Variants in MLH3 observed in about 807,000 individuals in gnomAD.
The protein encoded by MLH3 is mutL homolog 3.
MLH3 carries 82 observed loss-of-function variants against 122.2 expected under a neutral mutation model. The ratio of observed to expected loss-of-function variants is 0.67; its 90% confidence interval spans 0.56 to 0.81. The LOEUF is 0.81. MLH3 is among the 30% of genes least tolerant of loss of function. The probability of loss-of-function intolerance (pLI) is 0.00; values close to 1 mark genes in which losing one functional copy is unlikely to be tolerated. For missense variants in MLH3, 1,539 were observed against 1,714.5 expected, an observed-to-expected ratio of 0.90 and a Z score of 1.81; for synonymous variants, 524 against 599.5, an observed-to-expected ratio of 0.87 and a Z score of 1.84.
intron 9 of MLH3, among the ~76,000 whole-genome samples, chr14:75,027,206 T>C (rs547242029): frequency 6.6e-6 from 1 of 152,108 alleles, no homozygotes; most frequent in East Asian, 1.9e-4. Flanking sequence ...AGCTAGATAA[T>C]CATGCAAGTA....
Position 75,016,489 on chromosome 14 carries a change from T to C in MLH3, c.*593A>G, listed in dbSNP as rs879291091. The C allele has an allele frequency of 2.6e-5, 5 of 189,162 alleles. No individual in the cohort carries two copies. Among genetic ancestry groups the C allele is most frequent in the Admixed American group, 1.2e-4 (2 of 17,018 alleles). 11.7% of individuals were successfully genotyped at this position (189,162 alleles called of 1,614,324 possible). A position where few individuals can be genotyped will look rare whatever the true frequency, so the allele number is the denominator to read the frequency against. On this transcript the variant is annotated 3_prime_UTR_variant, in exon 13 of 13. Transcript: ENST00000355774. ...CTATCCTTGTCCTTTTTATCAATAG[T>C]TTTTATCCCTAAAATAACTAAAGGC...
chr14:75,040,964 A>C (rs1595072301), intron 4 of MLH3, among the ~76,000 whole-genome samples: 1 of 152,194 alleles, frequency 6.6e-6, no homozygotes, highest in African/African-American at 2.4e-5. Context: ...CATAATTTGG[A>C]AATATGCCCA....
intron 9 of MLH3, among the ~76,000 whole-genome samples, chr14:75,029,193 C>T (rs1273457167): frequency 6.8e-6 from 1 of 147,602 alleles, no homozygotes; most frequent in African/African-American, 2.5e-5. Context: ...TTAAGAAAAT[C>T]ATAAGAAACA....
intron 5 of MLH3, 28 bp downstream of exon 5, chr14:75,039,857 ATATATATATATATATATATATATATT>A (rs1566594440): frequency 1.6e-5 from 1 of 60,778 alleles, no homozygotes; most frequent in Non-Finnish European, 3.8e-5. Context: ...ATATATATAT[ATATATATATATATATATATATATATT>A]TATGAGATTT....
chr14:75,049,816 T>C (rs1411896643), intron 1 of MLH3, 98 bp from the exon 2 acceptor site: 6 of 768,342 alleles, frequency 7.8e-6, no homozygotes, highest in African/African-American at 7.0e-5. Context: ...ATCACTCTTA[T>C]TAAACCAAAT....
intron 6 of MLH3, among the ~76,000 whole-genome samples, chr14:75,034,497 G>A (rs1310286283): frequency 6.6e-6 from 1 of 152,106 alleles, no homozygotes; most frequent in Admixed American, 6.6e-5. Flanking sequence ...TTCTTTTTGA[G>A]CCAAAGCAGC....
At position 75,047,876 on chromosome 14, in the gene MLH3, T is replaced by C. The variant is rs1363963772; in HGVS notation, c.1780A>G (p.Asn594Asp). Residue 594 changes from asparagine to aspartate, a missense_variant, in exon 2 of 13, where the codon AAT (asparagine) becomes GAT (aspartate). Physicochemically the swap from Asn to Asp is conservative, Grantham distance 23. Coordinates refer to ENST00000355774, the MANE Select transcript of MLH3 (RefSeq NM_001040108.2). ...KKESSNCGRR[N>D]VFSYGRVKLC... ...TTAACTCGCCCATAACTAAAAACAT[T>C]TCTTCTTCCACAATTGCTAGATTCT... The C allele has an allele frequency of 6.2e-7, 1 of 1,613,468 alleles. No homozygotes were observed. The highest frequency in any genetic ancestry group is 1.7e-4 in the Middle Eastern group (1 of 6,060).
chr14:75,048,396 TA>T lies in MLH3; in HGVS notation c.1259del (p.Val420GlufsTer34), dbSNP rs1892418135. ...CTGAATCCCTAGAACTCTGTGTGTT[TA>T]CGTTTTCTGCAGTAGTTTTTCTTTT... ...AVKRKTTAEN[V>X]NTQSSRDSEA... On this transcript the variant is annotated frameshift_variant, in exon 2 of 13. Transcript: ENST00000355774. LOFTEE classifies it high-confidence loss of function. 1 of 1,609,572 alleles carries T rather than the reference TA, an allele frequency of 6.2e-7. No homozygotes were observed. The highest frequency in any genetic ancestry group is 2.2e-5 in the East Asian group (1 of 44,854).
intron 2 of MLH3, among the ~76,000 whole-genome samples, chr14:75,043,387 CAA>C (rs1245716087): frequency 2.6e-5 from 4 of 152,214 alleles, no homozygotes; most frequent in Admixed American, 2.6e-4. Context: ...CTCCTAAAAG[CAA>C]AGTCAGTTAA....
In MLH3 at chr14:75,046,323, C is replaced by G. The variant is rs1892215596; in HGVS notation, c.3280+53G>C. On this transcript the variant is annotated intron_variant, in intron 2 of 12. Coordinates refer to ENST00000355774, the MANE Select transcript of MLH3 (RefSeq NM_001040108.2). Reference sequence around the variant, plus strand: ...GGATAATGAGGATCTTACTCCTTGTCCAGCATTCCCATCTTCAAAAGCATC... The same window carrying G: ...GGATAATGAGGATCTTACTCCTTGTGCAGCATTCCCATCTTCAAAAGCATC... 6 of 1,578,400 alleles carry G rather than the reference C, an allele frequency of 3.8e-6. 1 individual carries two copies. In the South Asian group the frequency reaches 6.6e-5, roughly 17 times the overall value.
Position 75,048,712 on chromosome 14 carries a change from C to T in MLH3, c.944G>A (p.Cys315Tyr), listed in dbSNP as rs370500314. Residue 315 changes from cysteine to tyrosine, a missense_variant, in exon 2 of 13, where the codon TGT becomes TAT. Physicochemically the swap from Cys to Tyr is radical, Grantham distance 194. Coordinates refer to ENST00000355774, the MANE Select transcript of MLH3 (RefSeq NM_001040108.2). ...IYVINVQCQFCEYDVCMEPAK... is the reference protein window; with the variant it reads ...IYVINVQCQFYEYDVCMEPAK... ...TGGCTCCATGCACACATCATACTCA[C>T]AGAATTGGCACTGCACATTAATTAC... 2.5e-6 allele frequency: 4 copies of T among 1,614,052 alleles called. No homozygotes were observed. The highest frequency in any genetic ancestry group is 2.2e-5 in the East Asian group (1 of 44,894).
chr14:75,044,577 C>A (rs192334613), intron 2 of MLH3, among the ~76,000 whole-genome samples: 1 of 152,224 alleles, frequency 6.6e-6, no homozygotes, highest in Admixed American at 6.5e-5. Context: ...CATAAAGTGG[C>A]TTTAAGAGCA....
chr14:75,027,138 G>A (rs1169490909), intron 9 of MLH3, among the ~76,000 whole-genome samples: 1 of 151,842 alleles, frequency 6.6e-6, no homozygotes, highest in Non-Finnish European at 1.5e-5. Context: ...AAAGTCAAAA[G>A]TAGTGAAATA....
rs2139283278 is a variant in MLH3, at chr14:75,017,136, C to T, written c.4308G>A (p.Glu1436=). The T allele has an allele frequency of 1.2e-6, 2 of 1,613,722 alleles. No homozygotes were observed. The highest frequency in any genetic ancestry group is 2.2e-5 in the East Asian group (1 of 44,876). The change falls in exon 13 of 13, where the codon GAG becomes GAA. Residue 1436 remains glutamate (E), a synonymous_variant. Transcript: ENST00000355774. ...GCTGCAGGCTCTGCCTTGTATCACA[C>T]TCTGCTTTTCCAAAGAGACGCCAGG... ...AQAWRLFGKA[E]CDTRQSLQQS...
Position 75,018,854 on chromosome 14 carries a change from A to C in MLH3, c.4217T>G (p.Ile1406Arg). Residue 1406 changes from isoleucine (I) to arginine (R), a missense_variant, in exon 12 of 13, where the codon ATA becomes AGA. Coordinates refer to ENST00000355774, the MANE Select transcript of MLH3 (RefSeq NM_001040108.2). ...CTGTTTTTCCTGTTCCAAGTGGTCT[A>C]TGTCAGCTAACGGCAGCATAGAAGG... is the stretch of plus-strand genomic sequence containing the variant. ...GRPSMLPLAD[I>R]DHLEQEKQIK... The C allele has an allele frequency of 6.2e-7, 1 of 1,614,198 alleles. No homozygotes were observed. Among genetic ancestry groups the C allele is most frequent in the Non-Finnish European group, 8.5e-7 (1 of 1,180,044 alleles).
At chr14:75,027,030 C>T (rs1248003076) in intron 9 of MLH3, among the ~76,000 whole-genome samples, 1 of 151,650 alleles carries the variant, frequency 6.6e-6, no homozygotes, top group Non-Finnish European at 1.5e-5. Context: ...ACCTGGGAGG[C>T]GGAGGTTGCA....
rs61755654 is a variant in MLH3, at chr14:75,047,831, T to G, written c.1825A>C (p.Ile609Leu). ...TTTTCATTTTGTACTACATGAGTTATAAAGCCAGTGGAACATAATTTAACT... is the reference window on the plus strand; with the variant it reads ...TTTTCATTTTGTACTACATGAGTTAGAAAGCCAGTGGAACATAATTTAACT... ...GRVKLCSTGFITHVVQNEKTK... is the reference protein window; with the variant it reads ...GRVKLCSTGFLTHVVQNEKTK... Residue 609 changes from isoleucine (I) to leucine (L), a missense_variant, in exon 2 of 13, where the codon ATA becomes CTA. Transcript: ENST00000355774. 4.0e-5 allele frequency: 64 copies of G among 1,613,534 alleles called. No individual in the cohort carries two copies. Among genetic ancestry groups the G allele is most frequent in the Non-Finnish European group, 5.0e-5 (59 of 1,179,902 alleles).
chr14:75,048,930 T>G lies in MLH3; in HGVS notation c.726A>C (p.Glu242Asp). 6.2e-7 allele frequency: 1 copy of G among 1,613,346 alleles called. No individual in the cohort carries two copies. The highest frequency in any genetic ancestry group is 8.5e-7 in the Non-Finnish European group (1 of 1,179,624). ...ACTGCATATTCTTGTTGTAATGTGC[T>G]TCAGAGCTGATATAGCCACTAAGCT... ...EFELSGYISS[E>D]AHYNKNMQFL... is the part of the protein sequence containing the mutation. Residue 242 changes from glutamate (E) to aspartate (D), a missense_variant, in exon 2 of 13, where the codon GAA (glutamate) becomes GAC (aspartate). Coordinates refer to ENST00000355774, the MANE Select transcript of MLH3 (RefSeq NM_001040108.2).
intron 11 of MLH3, among the ~76,000 whole-genome samples, chr14:75,021,723 C>T (rs1436842664): frequency 2.6e-5 from 4 of 152,146 alleles, no homozygotes; most frequent in Admixed American, 2.6e-4. Flanking sequence ...TTATACACTG[C>T]TGGTGGGAAA....
Sources: allele counts gnomAD v4.1 joint callset (sites outside exome capture counted in the v4.1 genomes callset), GRCh38; gene constraint gnomAD v4.1.1; transcripts MANE v1.5; gene names NCBI Gene and HGNC (gene_info 2026-07-23, HGNC 2026-07-21).